AHI1: variants seen among roughly 807,000 people sequenced by gnomAD.
The protein encoded by AHI1 is Abelson helper integration site 1.
A neutral mutation model predicts 149.3 loss-of-function variants in AHI1; 123 were observed. That is an observed-to-expected ratio of 0.82 (90% confidence interval 0.71 to 0.96). The LOEUF is 0.96. Ranked by LOEUF, AHI1 falls within the 40% of genes least tolerant of loss-of-function variation. The pLI is 0.00. For synonymous variants in AHI1, 475 were observed against 459.8 expected, an observed-to-expected ratio of 1.03 and a Z score of -0.42; for missense variants, 1,439 against 1,422.7, an observed-to-expected ratio of 1.01 and a Z score of -0.18.
intron 24 of AHI1, among the ~76,000 whole-genome samples, chr6:135,324,601 C>T (rs1787369346): frequency 6.6e-6 from 1 of 150,516 alleles, no homozygotes; most frequent in African/African-American, 2.5e-5. Flanking sequence ...GTGCACAGCA[C>T]GTGAGAGTCC....
At chr6:135,400,621 T>G (rs1293048559) in intron 22 of AHI1, among the ~76,000 whole-genome samples, 3 of 152,224 alleles carry the variant, frequency 2.0e-5, no homozygotes, top group African/African-American at 4.8e-5. Flanking sequence ...ATTTATAATC[T>G]AATGTCAAAA....
chr6:135,376,747 T>TG (rs1775975098), intron 23 of AHI1, among the ~76,000 whole-genome samples: 1 of 151,516 alleles, frequency 6.6e-6, no homozygotes, highest in Non-Finnish European at 1.5e-5. Context: ...CTGGGCTTGG[T>TG]GACGCATGCC....
At chr6:135,408,767 T>C (rs1311613244) in intron 21 of AHI1, among the ~76,000 whole-genome samples, 2 of 152,152 alleles carry the variant, frequency 1.3e-5, no homozygotes, top group Non-Finnish European at 2.9e-5. Flanking sequence ...GCACAGCCCC[T>C]GTCTTCAAGG....
chr6:135,475,880 G>A (rs1031834293), intron 5 of AHI1, among the ~76,000 whole-genome samples: 11 of 152,220 alleles, frequency 7.2e-5, no homozygotes, highest in Non-Finnish European at 1.0e-4. Context: ...AAGCCCGGGG[G>A]TGGCCATGGA....
chr6:135,354,273 C>T (rs767068064), intron 24 of AHI1, among the ~76,000 whole-genome samples: 5 of 151,994 alleles, frequency 3.3e-5, no homozygotes, highest in African/African-American at 7.2e-5. Flanking sequence ...GTTATTCATT[C>T]GAATAGGCCA....
intron 24 of AHI1, among the ~76,000 whole-genome samples, chr6:135,340,658 CATATATATATATATAT>C (rs71006759): frequency 5.3e-5 from 2 of 38,064 alleles, no homozygotes; most frequent in African/African-American, 2.7e-4. Context: ...TACATACATA[CATATATATATATATAT>C]ATATATATAT....
At chr6:135,463,789 T>C (rs932019218) in intron 7 of AHI1, among the ~76,000 whole-genome samples, 4 of 152,164 alleles carry the variant, frequency 2.6e-5, no homozygotes, top group Non-Finnish European at 5.9e-5. Context: ...TTTCGCGCTG[T>C]CGCCCAAGTT....
At chr6:135,347,257 G>C (rs1791373235) in intron 24 of AHI1, among the ~76,000 whole-genome samples, 1 of 152,138 alleles carries the variant, frequency 6.6e-6, no homozygotes, top group Admixed American at 6.5e-5. Context: ...GAAAGTTACA[G>C]TTATATTACA....
chr6:135,301,681 T>G (rs4896142), intron 26 of AHI1: 448,608 of 985,174 alleles, frequency 0.46, 108,675 homozygotes, highest in African/African-American at 0.89. Context: ...AGGAGACTTT[T>G]TGGTGAAAGG....
At chr6:135,492,136 T>C (rs878930749) in intron 4 of AHI1, 92 bp downstream of exon 4, 9 of 935,676 alleles carry the variant, frequency 9.6e-6, no homozygotes, top group East Asian at 5.5e-5. Flanking sequence ...ACTGTATTCA[T>C]TAATCTGTTC....
intron 24 of AHI1, among the ~76,000 whole-genome samples, chr6:135,350,634 T>C (rs1464681049): frequency 1.3e-5 from 2 of 152,118 alleles, no homozygotes; most frequent in Non-Finnish European, 1.5e-5. Context: ...AGTGTAATAA[T>C]AAAGACTAAT....
At chr6:135,407,680 T>C (rs1780985340) in intron 21 of AHI1, among the ~76,000 whole-genome samples, 1 of 152,180 alleles carries the variant, frequency 6.6e-6, no homozygotes, top group African/African-American at 2.4e-5. Context: ...TAATAAATTA[T>C]CAATTTGCTT....
chr6:135,486,524 G>C (rs1794500355), intron 5 of AHI1, among the ~76,000 whole-genome samples: 1 of 151,806 alleles, frequency 6.6e-6, no homozygotes, highest in Admixed American at 6.6e-5. Flanking sequence ...GCAGTTCTTG[G>C]GGGGAACTAT....
chr6:135,493,123 C>T (rs1016022576), intron 3 of AHI1: 41 of 259,688 alleles, frequency 1.6e-4, no homozygotes, highest in Non-Finnish European at 2.3e-4. Flanking sequence ...CTCAGCCTCC[C>T]GAGTGGCTGG....
chr6:135,480,721 C>T (rs1297969611), intron 5 of AHI1, among the ~76,000 whole-genome samples: 1 of 152,106 alleles, frequency 6.6e-6, no homozygotes, highest in African/African-American at 2.4e-5. Context: ...GGCAGGGGTC[C>T]TCATGCCCCA....
At chr6:135,410,355 G>A (rs982709213) in intron 21 of AHI1, among the ~76,000 whole-genome samples, 1 of 152,176 alleles carries the variant, frequency 6.6e-6, no homozygotes, top group African/African-American at 2.4e-5. Context: ...GGGCCACAAA[G>A]TGAGACCCTG....
At chr6:135,455,111 C>T (rs765191672) in intron 10 of AHI1, among the ~76,000 whole-genome samples, 17 of 151,086 alleles carry the variant, frequency 1.1e-4, no homozygotes, top group Non-Finnish European at 1.8e-4. Flanking sequence ...TATCTGCAAA[C>T]GCATTTTTTT....
At chr6:135,406,081 AT>A (rs1780758010) in intron 21 of AHI1, among the ~76,000 whole-genome samples, 1 of 152,118 alleles carries the variant, frequency 6.6e-6, no homozygotes, top group African/African-American at 2.4e-5. Flanking sequence ...AATATAAATC[AT>A]TTAATTATTT....
intron 26 of AHI1, among the ~76,000 whole-genome samples, chr6:135,303,335 T>C (rs1418695147): frequency 6.6e-6 from 1 of 152,238 alleles, no homozygotes; most frequent in Non-Finnish European, 1.5e-5. Flanking sequence ...GGCAAATTTA[T>C]GATACGGTAT....
Sources: gnomAD v4.1 joint callset for allele counts (sites outside exome capture counted in the v4.1 genomes callset) on GRCh38, gnomAD v4.1.1 for gene constraint, MANE v1.5 for transcripts, NCBI Gene and HGNC (gene_info 2026-07-23, HGNC 2026-07-21) for gene names.